ZNF280B: variants seen among roughly 807,000 people sequenced by gnomAD.
ZNF280B encodes suppressor of hairy wing homolog 2.
Under a neutral mutation model 38.0 loss-of-function variants are expected in ZNF280B, and 16 were observed. The observed-to-expected ratio is 0.42, with a 90% CI of 0.28 to 0.64. The LOEUF (loss-of-function observed/expected upper bound fraction) is 0.64. ZNF280B is among the 30% of genes least tolerant of loss of function. The probability of loss-of-function intolerance (pLI) is 0.21; values close to 1 mark genes in which losing one functional copy is unlikely to be tolerated. For missense variants in ZNF280B, 581 were observed against 639.6 expected (o/e 0.91, Z 0.99); for synonymous variants, 253 against 230.6 (o/e 1.10, Z -0.88).
At chr22:22,490,947 C>T (rs1393295484) in intron 3 of ZNF280B, among the ~76,000 whole-genome samples, 1 of 151,818 alleles carries the variant, frequency 6.6e-6, no homozygotes, top group Non-Finnish European at 1.5e-5. Flanking sequence ...AACCCACATT[C>T]CTAATCTCTT....
At position 22,488,498 on chromosome 22, in the gene ZNF280B, G is replaced by C. The variant is rs763400641; in HGVS notation, c.901C>G (p.Gln301Glu). ...GQHKGEGQPEQKTHTTFKCLS... is the reference protein window; with the variant it reads ...GQHKGEGQPEEKTHTTFKCLS... ...CATTTAAAGGTGGTGTGAGTCTTCT[G>C]TTCCGGCTGCCCTTCTCCTTTATGC... The change falls in exon 4 of 4, where the codon CAG (glutamine) becomes GAG (glutamate). Residue 301 changes from glutamine (Q) to glutamate (E), a missense_variant. Transcript: ENST00000626650. 12 of 1,613,802 alleles carry C rather than the reference G, an allele frequency of 7.4e-6. No homozygotes were observed. The highest frequency in any genetic ancestry group is 1.0e-5 in the Non-Finnish European group (12 of 1,179,992).
In ZNF280B at chr22:22,489,009, T is replaced by C; in HGVS notation, c.390A>G (p.Ser130=). 1 of 1,613,838 alleles carries C rather than the reference T, an allele frequency of 6.2e-7. No homozygotes were observed. Residue 130 remains serine, a synonymous_variant, in exon 4 of 4, where the codon TCA becomes TCG. Transcript: ENST00000626650. ...PLSKPDYRNS[S]PQVVPNNSSE... ...AAGAGTTATTAGGCACAACTTGTGG[T>C]GAACTATTTCTATAATCAGGTTTAG...
intron 3 of ZNF280B, among the ~76,000 whole-genome samples, chr22:22,489,721 T>C (rs939359907): frequency 2.0e-5 from 3 of 151,848 alleles, no homozygotes; most frequent in Non-Finnish European, 2.9e-5. Context: ...GGCAAAATTA[T>C]ATGGAAAAGA....
At chr22:22,496,163 C>T (rs2146802094) in intron 2 of ZNF280B, among the ~76,000 whole-genome samples, 1 of 133,882 alleles carries the variant, frequency 7.5e-6, no homozygotes, top group Non-Finnish European at 1.5e-5. Flanking sequence ...GGATGGAGTG[C>T]AGTGGCACAA....
At chr22:22,491,782 T>C (rs2146774565) in intron 3 of ZNF280B, among the ~76,000 whole-genome samples, 1 of 152,056 alleles carries the variant, frequency 6.6e-6, no homozygotes, top group South Asian at 2.1e-4. Flanking sequence ...GCCTCATTTT[T>C]CTTAAACTAA....
rs910450418 is a variant in ZNF280B, at chr22:22,501,029, A to C, written c.-187+6781T>G. Reference sequence around the variant, plus strand: ...ACCAAGACTCCGTCTCAAAAAAAAAAAAAAAAAAAAAACAAAAAACCAAAA... The same window carrying C: ...ACCAAGACTCCGTCTCAAAAAAAAACAAAAAAAAAAAACAAAAAACCAAAA... On this transcript the variant is annotated intron_variant, in intron 2 of 3. Transcript: ENST00000626650. 5.9e-4 allele frequency among the ~76,000 whole-genome samples: 66 copies of C among 111,218 alleles called. 1 individual carries two copies. In the South Asian group the frequency reaches 9.0e-3, roughly 15 times the overall value. The allele number at this position is 111,218 out of a possible 152,430, so 73.0% of individuals were successfully genotyped here.
At chr22:22,493,283 A>C (rs1268262123) in intron 3 of ZNF280B, among the ~76,000 whole-genome samples, 3 of 151,964 alleles carry the variant, frequency 2.0e-5, no homozygotes, top group Non-Finnish European at 4.4e-5. Flanking sequence ...CTGGGATTAC[A>C]GGCGTAAGCC....
At chr22:22,494,992 C>T (rs2061666107) in intron 2 of ZNF280B, among the ~76,000 whole-genome samples, 1 of 151,958 alleles carries the variant, frequency 6.6e-6, no homozygotes, top group Non-Finnish European at 1.5e-5. Context: ...TCCCAAAGTG[C>T]TGGGATTACA....
In ZNF280B at chr22:22,487,582, TTAAAA is replaced by T. The variant is rs2061519303; in HGVS notation, c.*180_*184del. On this transcript the variant is annotated 3_prime_UTR_variant, in exon 4 of 4. Transcript: ENST00000626650. ...ACAGTTAACATGAAAACCAGATGTT[TTAAAA>T]TAATACCTCAAAATTCAGATCAAAT... 1.9e-6 allele frequency: 1 copy of T among 524,118 alleles called. No individual in the cohort carries two copies. Among genetic ancestry groups the T allele is most frequent in the South Asian group, 4.0e-5 (1 of 24,834 alleles). The allele number at this position is 524,118 out of a possible 1,614,324, so 32.5% of individuals were successfully genotyped here.
rs2061812996 is a variant in ZNF280B at position 22,501,043 on chromosome 22, A to AAAAAACC, written c.-187+6760_-187+6766dup. On this transcript the variant is annotated intron_variant, in intron 2 of 3. Transcript: ENST00000626650. ...TCAAAAAAAAAAAAAAAAAAAAAACAAAAAACCAAAAAAACAAAAAACAGA... is the reference window on the plus strand; with the variant it reads ...TCAAAAAAAAAAAAAAAAAAAAAACAAAAAACCAAAAACCAAAAAAACAAAAAACAGA... Among the ~76,000 whole-genome samples, 85 of 137,186 alleles carry AAAAAACC rather than the reference A, an allele frequency of 6.2e-4. 1 individual carries two copies. Among genetic ancestry groups the AAAAAACC allele is most frequent in the South Asian group, 4.5e-3 (19 of 4,182 alleles). The allele number at this position is 137,186 out of a possible 152,430, so 90.0% of individuals were successfully genotyped here.
At chr22:22,502,873 G>A (rs1601732642) in intron 2 of ZNF280B, among the ~76,000 whole-genome samples, 1 of 152,062 alleles carries the variant, frequency 6.6e-6, no homozygotes, top group South Asian at 2.1e-4. Context: ...AAGGATCTTT[G>A]CAGATGGGAA....
At chr22:22,502,475 A>T (rs564926981) in intron 2 of ZNF280B, among the ~76,000 whole-genome samples, 1 of 152,112 alleles carries the variant, frequency 6.6e-6, no homozygotes, top group African/African-American at 2.4e-5. Context: ...TAACACATAT[A>T]TAAGCTAGCT....
Position 22,489,428 on chromosome 22 carries a change from G to C in ZNF280B, c.-30C>G, listed in dbSNP as rs916538731. On this transcript the variant is annotated 5_prime_UTR_variant, in exon 4 of 4. Coordinates refer to ENST00000626650, the MANE Select transcript of ZNF280B (RefSeq NM_080764.4). Reference sequence around the variant, plus strand: ...TAATTTTTTTATTCCTGAATGGTGGGGCCACAAGTCCCAATGCTTCCTTTA... The same window carrying C: ...TAATTTTTTTATTCCTGAATGGTGGCGCCACAAGTCCCAATGCTTCCTTTA... 6 of 1,555,320 alleles carry C rather than the reference G, an allele frequency of 3.9e-6. No individual in the cohort carries two copies. Among genetic ancestry groups the C allele is most frequent in the Non-Finnish European group, 3.5e-6 (4 of 1,155,586 alleles).
chr22:22,505,459 G>A (rs1043170853), intron 2 of ZNF280B, among the ~76,000 whole-genome samples: 1 of 151,860 alleles, frequency 6.6e-6, no homozygotes. Context: ...CCAGCTACTC[G>A]GGAGGCTGAG....
chr22:22,495,651 G>A lies in ZNF280B; in HGVS notation c.-186-1471C>T, dbSNP rs180951751. On this transcript the variant is annotated intron_variant, in intron 2 of 3. Coordinates refer to ENST00000626650, the MANE Select transcript of ZNF280B (RefSeq NM_080764.4). Reference sequence around the variant, plus strand: ...CACTTGAAGGGGATAAAAGGTCAGAGAGGTAGCAAGAGTGGAAATAGTAGT... The same window carrying A: ...CACTTGAAGGGGATAAAAGGTCAGAAAGGTAGCAAGAGTGGAAATAGTAGT... Among the ~76,000 whole-genome samples, 174 of 152,084 alleles carry A rather than the reference G, an allele frequency of 1.1e-3. 1 individual carries two copies. Among genetic ancestry groups the A allele is most frequent in the African/African-American group, 4.1e-3 (169 of 41,490 alleles).
intron 2 of ZNF280B, among the ~76,000 whole-genome samples, chr22:22,505,971 G>T (rs1270302235): frequency 6.6e-6 from 1 of 151,866 alleles, no homozygotes; most frequent in Non-Finnish European, 1.5e-5. Context: ...ATGAACAAAA[G>T]ATGATGGTAG....
Position 22,487,798 on chromosome 22 carries a change from G to C in ZNF280B, c.1601C>G (p.Ser534Cys). ...GGACTTTTTTGAAATTTTGCTTTTA[G>C]ACCTGGGGAGTGATGGTTCAGAGTC... ...TSDSEPSLPRSKSKISKKSH is the reference protein window; with the variant it reads ...TSDSEPSLPRCKSKISKKSH Residue 534 changes from serine to cysteine, a missense_variant, in exon 4 of 4, where the codon TCT becomes TGT. Transcript: ENST00000626650. 1 of 1,590,994 alleles carries C rather than the reference G, an allele frequency of 6.3e-7. No homozygotes were observed. Among genetic ancestry groups the C allele is most frequent in the Middle Eastern group, 1.7e-4 (1 of 5,916 alleles).
In ZNF280B at chr22:22,489,459, A is replaced by T; in HGVS notation, c.-61T>A. The stretch of plus-strand genomic sequence containing the variant: ...AAGTCCCAATGCTTCCTTTATATAA[A>T]CTGCCACCTAAGTACAAACATACAT... On this transcript the variant is annotated 5_prime_UTR_variant, in exon 4 of 4. Transcript: ENST00000626650. 7.0e-7 allele frequency: 1 copy of T among 1,425,420 alleles called. No individual in the cohort carries two copies. Among genetic ancestry groups the T allele is most frequent in the Non-Finnish European group, 9.5e-7 (1 of 1,054,790 alleles). 88.3% of individuals were successfully genotyped at this position (1,425,420 alleles called of 1,614,324 possible).
Position 22,488,345 on chromosome 22 carries a change from A to G in ZNF280B, c.1054T>C (p.Phe352Leu). 1 of 1,613,778 alleles carries G rather than the reference A, an allele frequency of 6.2e-7. No individual in the cohort carries two copies. Among genetic ancestry groups the G allele is most frequent in the Non-Finnish European group, 8.5e-7 (1 of 1,179,948 alleles). ...CACTGTAGCTGGAAGGGAGTGGGAA[A>G]CTGCCGGTGGCAGTGCTGGCAGGTG... is the stretch of plus-strand genomic sequence containing the variant. Reference protein sequence around the residue: ...HTTCQHCHRQFPTPFQLQCHI... With the variant: ...HTTCQHCHRQLPTPFQLQCHI... The change falls in exon 4 of 4, where the codon TTT becomes CTT. Residue 352 changes from phenylalanine (F) to leucine (L), a missense_variant. Phe to Leu is a conservative substitution (Grantham distance 22). Coordinates refer to ENST00000626650, the MANE Select transcript of ZNF280B (RefSeq NM_080764.4).
Sources: allele counts gnomAD v4.1 joint callset (sites outside exome capture counted in the v4.1 genomes callset), GRCh38; gene constraint gnomAD v4.1.1; transcripts MANE v1.5; gene names NCBI Gene and HGNC (gene_info 2026-07-23, HGNC 2026-07-21).